The following ANKS1A variants were observed in gnomAD, a reference collection of about 807,000 sequenced individuals.
ANKS1A encodes ankyrin repeat and sterile alpha motif domain containing 1A.
In ANKS1A, 55 loss-of-function variants were observed where a neutral mutation model predicts 120.3. The ratio of observed to expected loss-of-function variants is 0.46; its 90% CI spans 0.37 to 0.57. ANKS1A has a LOEUF of 0.57. Among genes scored for constraint, ANKS1A ranks in the 20% least tolerant of loss-of-function variants. ANKS1A has a pLI of 0.00. For missense variants in ANKS1A, 1,123 were observed against 1,480.3 expected, an observed-to-expected ratio of 0.76 and a Z score of 3.96; for synonymous variants, 590 against 604.7, an observed-to-expected ratio of 0.98 and a Z score of 0.36.
intron 1 of ANKS1A, among the ~76,000 whole-genome samples, chr6:34,964,596 C>T (rs756216033): frequency 6.6e-6 from 1 of 152,200 alleles, no homozygotes; most frequent in Non-Finnish European, 1.5e-5. Flanking sequence ...TTGATGGTTA[C>T]GTAGTATTGT....
intron 1 of ANKS1A, among the ~76,000 whole-genome samples, chr6:34,938,103 A>G (rs908141805): frequency 6.6e-6 from 1 of 152,192 alleles, no homozygotes; most frequent in African/African-American, 2.4e-5. Context: ...TCATTTATTC[A>G]TAATTAAATA....
intron 3 of ANKS1A, among the ~76,000 whole-genome samples, chr6:34,975,091 A>G (rs1015666658): frequency 1.3e-5 from 2 of 152,250 alleles, no homozygotes; most frequent in African/African-American, 4.8e-5. Flanking sequence ...TAGTAAGAAC[A>G]TACTTCTTTC....
intron 10 of ANKS1A, among the ~76,000 whole-genome samples, chr6:35,003,949 T>C (rs1054094931): frequency 6.6e-6 from 1 of 152,178 alleles, no homozygotes; most frequent in Non-Finnish European, 1.5e-5. Flanking sequence ...GAACCAGACC[T>C]GAAACCAGGC....
At chr6:35,094,620 A>T (rs750704564), downstream of ANKS1A, among the ~76,000 whole-genome samples, 6 of 152,220 alleles carry the variant, frequency 3.9e-5, no homozygotes, top group Non-Finnish European at 7.3e-5. Flanking sequence ...TGGAAATTCT[A>T]GAACTAAAAA....
intron 11 of ANKS1A, among the ~76,000 whole-genome samples, chr6:35,048,370 G>C (rs567862583): frequency 8.5e-5 from 13 of 152,128 alleles, no homozygotes; most frequent in Non-Finnish European, 1.8e-4. Context: ...GTGGAAAAGG[G>C]AGTTCCTCAT....
At position 34,913,776 on chromosome 6, in the gene ANKS1A, G is replaced by A. The variant is rs570840715; in HGVS notation, c.197+24177G>A. Among the ~76,000 whole-genome samples the A allele has an allele frequency of 2.6e-5, 4 of 152,128 alleles. 1 individual carries two copies. The South Asian group carries it at 8.3e-4, about 32-fold the overall frequency. On this transcript the variant is annotated intron_variant, in intron 1 of 23. Transcript: ENST00000360359. Reference sequence around the variant, plus strand: ...AGCCTCCCAAGAACTGGGACTATAGGCGTGCACCACCACACCCAGCTAATT... The same window carrying A: ...AGCCTCCCAAGAACTGGGACTATAGACGTGCACCACCACACCCAGCTAATT...
Position 35,060,028 on chromosome 6 carries a change from T to C in ANKS1A, c.2078-119T>C. 1.4e-6 allele frequency: 1 copy of C among 731,596 alleles called. No individual in the cohort carries two copies. Among genetic ancestry groups the C allele is most frequent in the South Asian group, 1.7e-5 (1 of 60,360 alleles). The allele number at this position is 731,596 out of a possible 1,614,324, so 45.3% of individuals were successfully genotyped here. On this transcript the variant is annotated intron_variant, in intron 12 of 23. Transcript: ENST00000360359. The surrounding 1 kb of genome is among the most constrained non-coding windows in gnomAD (Gnocchi z 4.5). The stretch of plus-strand genomic sequence containing the variant: ...GCTCTCTGGTCTCTTGTATATAGTT[T>C]GGCTGTTTGATGGTAATGACTATGA...
At position 34,895,271 on chromosome 6, in the gene ANKS1A, A is replaced by C. The variant is rs138831296; in HGVS notation, c.197+5672A>C. Among the ~76,000 whole-genome samples, 156 of 150,716 alleles carry C rather than the reference A, an allele frequency of 1.0e-3. 2 individuals are homozygous for C. In the South Asian group the frequency reaches 0.017, roughly 16 times the overall value. On this transcript the variant is annotated intron_variant, in intron 1 of 23. Coordinates refer to ENST00000360359, the MANE Select transcript of ANKS1A (RefSeq NM_015245.3). ...CTAATGTTGTCCAGGCTGACCTTAA[A>C]CTCCTGGGCTCAATTGATCCTCCTG...
intron 11 of ANKS1A, among the ~76,000 whole-genome samples, chr6:35,053,217 A>G (rs919242650): frequency 2.0e-5 from 3 of 152,258 alleles, no homozygotes; most frequent in African/African-American, 7.2e-5. Flanking sequence ...TGAGCTCATT[A>G]TCACTGCAAC....
chr6:34,973,445 T>C (rs1271653769), intron 3 of ANKS1A, among the ~76,000 whole-genome samples: 1 of 152,180 alleles, frequency 6.6e-6, no homozygotes, highest in African/African-American at 2.4e-5. Context: ...AGCTTGTTCA[T>C]TGGGTGATGG....
intron 1 of ANKS1A, among the ~76,000 whole-genome samples, chr6:34,939,799 G>A (rs567679820): frequency 4.1e-4 from 63 of 152,278 alleles, no homozygotes; most frequent in South Asian, 1.2e-3. Flanking sequence ...ATTTGTTAAT[G>A]GCTGTTCTGC....
Position 35,057,516 on chromosome 6 carries a change from GT to G in ANKS1A, c.2078-2630del, listed in dbSNP as rs1776276257. Among the ~76,000 whole-genome samples, 1 of 152,170 alleles carries G rather than the reference GT, an allele frequency of 6.6e-6. No homozygotes were observed. The highest frequency in any genetic ancestry group is 1.5e-5 in the Non-Finnish European group (1 of 68,028). ...CAGTATCTCCCAGCATATTTAGAGG[GT>G]AATGTGTCCAGGGCATATTTAGAAG... On this transcript the variant is annotated intron_variant, in intron 12 of 23. Coordinates refer to ENST00000360359, the MANE Select transcript of ANKS1A (RefSeq NM_015245.3). The surrounding 1 kb of genome is among the most constrained non-coding windows in gnomAD (Gnocchi z 4.1).
rs1309916304 is a variant in ANKS1A at position 34,991,539 on chromosome 6, T to TACAC, written c.1302+2224_1302+2225insCACA. Among the ~76,000 whole-genome samples the TACAC allele has an allele frequency of 6.2e-3, 524 of 85,102 alleles. 11 individuals carry two copies. Among genetic ancestry groups the TACAC allele is most frequent in the African/African-American group, 0.016 (335 of 20,594 alleles). 55.8% of individuals were successfully genotyped at this position (85,102 alleles called of 152,430 possible). On this transcript the variant is annotated intron_variant, in intron 9 of 23. Coordinates refer to ENST00000360359, the MANE Select transcript of ANKS1A (RefSeq NM_015245.3). ...CCACATAGCCGGGAAAAAAAAAATATATACACACACACACACACACACACA... is the reference window on the plus strand; with the variant it reads ...CCACATAGCCGGGAAAAAAAAAATATACACATACACACACACACACACACACACA...
intron 11 of ANKS1A, among the ~76,000 whole-genome samples, chr6:35,041,238 T>C (rs994404330): frequency 1.3e-5 from 2 of 152,222 alleles, no homozygotes; most frequent in Non-Finnish European, 2.9e-5. Context: ...TGAAGAGCCC[T>C]ACCTCCTAGC....
At chr6:34,980,495 G>A (rs1188322051) in intron 3 of ANKS1A, among the ~76,000 whole-genome samples, 1 of 152,136 alleles carries the variant, frequency 6.6e-6, no homozygotes, top group African/African-American at 2.4e-5. Context: ...TGCATGTTTG[G>A]GTAATTCCTA....
At chr6:35,056,744 C>T (rs1283760287) in intron 12 of ANKS1A, among the ~76,000 whole-genome samples, 3 of 152,160 alleles carry the variant, frequency 2.0e-5, no homozygotes, top group African/African-American at 7.2e-5. Context: ...CAAGAACAGG[C>T]ACATGTGGGG....
chr6:35,077,145 A>G (rs923526967), intron 13 of ANKS1A, among the ~76,000 whole-genome samples: 18 of 152,174 alleles, frequency 1.2e-4, no homozygotes, highest in Admixed American at 1.2e-3. Context: ...CACTGGCGTC[A>G]CTAAGAAGAG....
chr6:35,081,684 G>A (rs903465281), intron 17 of ANKS1A, among the ~76,000 whole-genome samples: 2 of 152,210 alleles, frequency 1.3e-5, no homozygotes, highest in African/African-American at 4.8e-5. Flanking sequence ...CCCGTGGGGG[G>A]CACCGCTGGA....
chr6:34,896,439 T>C (rs1767087848), intron 1 of ANKS1A, among the ~76,000 whole-genome samples: 1 of 151,100 alleles, frequency 6.6e-6, no homozygotes, highest in Non-Finnish European at 1.5e-5. Flanking sequence ...TCCTGCATTT[T>C]GGAATTGCTG....
Sources: allele counts gnomAD v4.1 joint callset (sites outside exome capture counted in the v4.1 genomes callset), GRCh38; gene constraint gnomAD v4.1.1; non-coding constraint Gnocchi (gnomAD v3.1); transcripts MANE v1.5; gene names NCBI Gene and HGNC (gene_info 2026-07-23, HGNC 2026-07-21).